ARPP21: variants seen among roughly 807,000 people sequenced by gnomAD.
ARPP21 encodes cAMP-regulated phosphoprotein 21.
Under a neutral mutation model 113.2 loss-of-function variants are expected in ARPP21, and 69 were observed. The ratio of observed to expected loss-of-function variants is 0.61; its 90% CI spans 0.50 to 0.74. The LOEUF (loss-of-function observed/expected upper bound fraction) is 0.74, where lower values mean the gene tolerates loss of function less well. Ranked by LOEUF, ARPP21 falls within the 30% of genes least tolerant of loss-of-function variation. ARPP21 has a pLI of 0.00. For missense variants in ARPP21, 1,070 were observed against 1,037.4 expected (o/e 1.03, Z -0.43); for synonymous variants, 368 against 375.5 (o/e 0.98, Z 0.23).
chr3:35,767,536 A>G (rs1453338119), intron 19 of ARPP21, among the ~76,000 whole-genome samples: 1 of 152,166 alleles, frequency 6.6e-6, no homozygotes, highest in Non-Finnish European at 1.5e-5. Flanking sequence ...CTCCAAGCAG[A>G]GAAAAGAAGT....
intron 19 of ARPP21, among the ~76,000 whole-genome samples, chr3:35,762,660 T>A (rs370704168): frequency 6.6e-6 from 1 of 152,132 alleles, no homozygotes; most frequent in Admixed American, 6.6e-5. Flanking sequence ...ATTTCTTGAA[T>A]AAGCAAATGA....
chr3:35,779,310 A>G (rs549629268), intron 19 of ARPP21, among the ~76,000 whole-genome samples: 2 of 152,288 alleles, frequency 1.3e-5, no homozygotes, highest in South Asian at 2.1e-4. Context: ...AAAACAGAAC[A>G]CAATTCCTCA....
intron 18 of ARPP21, 51 bp from the exon 19 acceptor site, chr3:35,743,788 T>G (rs781149332): frequency 3.1e-6 from 5 of 1,589,764 alleles, no homozygotes; most frequent in Non-Finnish European, 4.3e-6. Context: ...GTTTAAAAAT[T>G]TACATTATCT....
At chr3:35,660,285 G>A (rs1027017123) in intron 1 of ARPP21, among the ~76,000 whole-genome samples, 2 of 152,118 alleles carry the variant, frequency 1.3e-5, no homozygotes, top group African/African-American at 2.4e-5. Flanking sequence ...TAAAACACAA[G>A]ATGGTATCTA....
At chr3:35,699,623 A>G (rs902552706) in intron 9 of ARPP21, among the ~76,000 whole-genome samples, 11 of 151,650 alleles carry the variant, frequency 7.3e-5, no homozygotes, top group African/African-American at 2.7e-4. Flanking sequence ...CCCAATCTTC[A>G]CTTCCCACCT....
intron 19 of ARPP21, among the ~76,000 whole-genome samples, chr3:35,744,268 T>C (rs1376765247): frequency 6.6e-6 from 1 of 152,236 alleles, no homozygotes; most frequent in African/African-American, 2.4e-5. Flanking sequence ...CATACCTTCT[T>C]TTAATTTTTT....
At chr3:35,642,292 A>G (rs1439652697) in intron 1 of ARPP21, 1 of 152,146 alleles carries the variant, frequency 6.6e-6, no homozygotes, top group Admixed American at 6.5e-5. Context: ...AGTTCTGTGC[A>G]GTCTATTTTT....
At chr3:35,669,217 A>G (rs2149295497) in intron 1 of ARPP21, among the ~76,000 whole-genome samples, 1 of 152,046 alleles carries the variant, frequency 6.6e-6, no homozygotes, top group African/African-American at 2.4e-5. Context: ...ACTACATAAG[A>G]TTTTTCCCAA....
chr3:35,657,624 C>T (rs376379628), intron 1 of ARPP21, among the ~76,000 whole-genome samples: 4 of 152,104 alleles, frequency 2.6e-5, no homozygotes, highest in African/African-American at 9.7e-5. Flanking sequence ...GAGGCACAAA[C>T]ACATTTGGTA....
At chr3:35,747,694 G>T (rs985434954) in intron 19 of ARPP21, among the ~76,000 whole-genome samples, 1 of 152,036 alleles carries the variant, frequency 6.6e-6, no homozygotes. Context: ...ACAAAATCAC[G>T]AGGATAAAGA....
intron 1 of ARPP21, among the ~76,000 whole-genome samples, chr3:35,671,613 G>A (rs942686837): frequency 6.6e-6 from 1 of 152,080 alleles, no homozygotes; most frequent in African/African-American, 2.4e-5. Context: ...CACATGTGAT[G>A]AGAATATATT....
chr3:35,644,517 T>C (rs1011329818), intron 1 of ARPP21, among the ~76,000 whole-genome samples: 1 of 151,992 alleles, frequency 6.6e-6, no homozygotes, highest in African/African-American at 2.4e-5. Flanking sequence ...TCAAAATCTG[T>C]GGTCTGAAGA....
At position 35,703,541 on chromosome 3, in the gene ARPP21, A is replaced by G. The variant is rs1419039602; in HGVS notation, c.687-3433A>G. Among the ~76,000 whole-genome samples the G allele has an allele frequency of 2.6e-5, 4 of 152,078 alleles. No homozygotes were observed. In the East Asian group the frequency reaches 7.8e-4, roughly 29 times the overall value. On this transcript the variant is annotated intron_variant, in intron 9 of 20. Transcript: ENST00000684406. ...CATATTTTTACCTTCAGAAGAAGAA[A>G]GTATTTTTCACCTAGAATAAGCATT...
At chr3:35,777,203 G>A (rs2096397645) in intron 19 of ARPP21, among the ~76,000 whole-genome samples, 1 of 152,152 alleles carries the variant, frequency 6.6e-6, no homozygotes, top group Admixed American at 6.5e-5. Context: ...ATTCTGGAGA[G>A]AATGAAAATA....
At chr3:35,691,115 A>T in intron 9 of ARPP21, 110 bp downstream of exon 9, 4 of 1,160,998 alleles carry the variant, frequency 3.4e-6, no homozygotes, top group Non-Finnish European at 4.7e-6. Flanking sequence ...GTGCAGTGTT[A>T]TTTATCTCTT....
intron 18 of ARPP21, among the ~76,000 whole-genome samples, chr3:35,741,016 C>T (rs902488861): frequency 4.0e-5 from 6 of 151,872 alleles, no homozygotes; most frequent in African/African-American, 1.5e-4. Context: ...GTGGGAGAAT[C>T]GCTTGAGCCT....
intron 1 of ARPP21, among the ~76,000 whole-genome samples, chr3:35,654,554 T>C (rs1235083367): frequency 6.6e-6 from 1 of 152,092 alleles, no homozygotes; most frequent in Non-Finnish European, 1.5e-5. Context: ...AATTAGCCCA[T>C]GTGAGCTTTC....
chr3:35,706,452 G>A (rs2089095112), intron 9 of ARPP21, among the ~76,000 whole-genome samples: 1 of 152,194 alleles, frequency 6.6e-6, no homozygotes, highest in African/African-American at 2.4e-5. Flanking sequence ...GTCTACTGGA[G>A]CCAGATTCCA....
intron 1 of ARPP21, among the ~76,000 whole-genome samples, chr3:35,658,222 G>A (rs576800801): frequency 1.3e-5 from 2 of 152,198 alleles, no homozygotes; most frequent in South Asian, 4.1e-4. Flanking sequence ...ATGGGTTTTT[G>A]AGAACTGTGT....
Sources: allele counts gnomAD v4.1 joint callset (sites outside exome capture counted in the v4.1 genomes callset), GRCh38; gene constraint gnomAD v4.1.1; transcripts MANE v1.5; gene names NCBI Gene and HGNC (gene_info 2026-07-23, HGNC 2026-07-21).